XIRP2: variants seen among roughly 807,000 people sequenced by gnomAD.
XIRP2 encodes the protein xin actin binding repeat containing 2.
XIRP2 carries 236 observed loss-of-function variants against 277.0 expected under a neutral mutation model. The ratio of observed to expected loss-of-function variants is 0.85; its 90% CI spans 0.77 to 0.95. XIRP2 has a LOEUF of 0.95. XIRP2 is among the 40% of genes least tolerant of loss of function. The pLI, the probability that XIRP2 is intolerant of heterozygous loss-of-function variation, is 0.00. For synonymous variants in XIRP2, 1,490 were observed against 1,416.5 expected, an observed-to-expected ratio of 1.05 and a Z score of -1.17; for missense variants, 4,640 against 4,157.5, an observed-to-expected ratio of 1.12 and a Z score of -3.19.
chr2:166,931,485 C>T (rs1205166879), intron 2 of XIRP2, among the ~76,000 whole-genome samples: 3 of 152,126 alleles, frequency 2.0e-5, no homozygotes, highest in African/African-American at 7.2e-5. Context: ...ATTTCCAGCA[C>T]CACTTTTAAA....
At chr2:167,158,331 A>G (rs1692263122) in intron 3 of XIRP2, among the ~76,000 whole-genome samples, 1 of 152,244 alleles carries the variant, frequency 6.6e-6, no homozygotes, top group African/African-American at 2.4e-5. Context: ...TATTTTTACC[A>G]TATAATATTT....
chr2:167,242,441 A>C, intron 8 of XIRP2, 128 bp from the exon 9 acceptor site: 2 of 914,088 alleles, frequency 2.2e-6, no homozygotes, highest in Non-Finnish European at 3.3e-6. Flanking sequence ...TTAAATGAGT[A>C]TATCACATAT....
intron 2 of XIRP2, among the ~76,000 whole-genome samples, chr2:167,000,670 A>G (rs911468727): frequency 6.6e-6 from 1 of 152,068 alleles, no homozygotes; most frequent in Admixed American, 6.6e-5. Context: ...CTATTCCTGC[A>G]TCCACTCCTT....
chr2:167,127,877 G>A lies in XIRP2; in HGVS notation c.409-8032G>A, dbSNP rs73015952. On this transcript the variant is annotated intron_variant, in intron 2 of 10. Transcript: ENST00000409195. ...AATTAACATAGGGAGGTACAGAGAA[G>A]TATATGCTTGTTGGGGTCCCCCTGG... Among the ~76,000 whole-genome samples the A allele has an allele frequency of 4.7e-3, 711 of 152,326 alleles. 5 individuals carry two copies. The highest frequency in any genetic ancestry group is 0.017 in the African/African-American group (693 of 41,576).
Position 167,096,294 on chromosome 2 carries a change from G to T in XIRP2, c.409-39615G>T, listed in dbSNP as rs1399124327. ...AATCTTGGGAAGGTGTATGTGTCGAGGAATTTATCCATTTCTTCTAGATTT... is the reference window on the plus strand; with the variant it reads ...AATCTTGGGAAGGTGTATGTGTCGATGAATTTATCCATTTCTTCTAGATTT... On this transcript the variant is annotated intron_variant, in intron 2 of 10. Coordinates refer to ENST00000409195, the MANE Select transcript of XIRP2 (RefSeq NM_152381.6). Among the ~76,000 whole-genome samples, 3 of 151,680 alleles carry T rather than the reference G, an allele frequency of 2.0e-5. No homozygotes were observed. In the East Asian group the frequency reaches 5.8e-4, roughly 29 times the overall value.
chr2:167,025,914 A>T (rs1336894295), intron 2 of XIRP2, among the ~76,000 whole-genome samples: 5 of 152,040 alleles, frequency 3.3e-5, no homozygotes, highest in Non-Finnish European at 1.5e-5. Context: ...TGTGGTGCTG[A>T]AAAAAATGTA....
chr2:167,176,825 G>A (rs1044811614), intron 3 of XIRP2, among the ~76,000 whole-genome samples: 1 of 152,194 alleles, frequency 6.6e-6, no homozygotes, highest in Non-Finnish European at 1.5e-5. Flanking sequence ...TGGTAGTTGA[G>A]TTTCTGAATG....
chr2:167,085,636 G>T (rs1330530476), intron 2 of XIRP2, among the ~76,000 whole-genome samples: 2 of 152,056 alleles, frequency 1.3e-5, no homozygotes, highest in Non-Finnish European at 2.9e-5. Flanking sequence ...CCTGTATTGG[G>T]TGCATATATA....
intron 3 of XIRP2, among the ~76,000 whole-genome samples, chr2:167,180,185 A>T (rs1372667872): frequency 1.3e-5 from 2 of 152,196 alleles, no homozygotes; most frequent in Admixed American, 6.5e-5. Flanking sequence ...TCAAAAATTT[A>T]TAAGGGCATA....
intron 3 of XIRP2, among the ~76,000 whole-genome samples, chr2:167,136,518 T>C (rs1691557163): frequency 6.6e-6 from 1 of 152,164 alleles, no homozygotes; most frequent in African/African-American, 2.4e-5. Context: ...CATAATGAAT[T>C]TGGAATACAA....
intron 2 of XIRP2, among the ~76,000 whole-genome samples, chr2:167,033,562 A>G (rs1260220571): frequency 6.6e-6 from 1 of 152,190 alleles, no homozygotes; most frequent in Non-Finnish European, 1.5e-5. Context: ...AGCCTACTCC[A>G]TGGCATTTAA....
chr2:167,042,964 C>G (rs923449980), intron 2 of XIRP2, among the ~76,000 whole-genome samples: 28 of 152,050 alleles, frequency 1.8e-4, no homozygotes, highest in Admixed American at 5.9e-4. Context: ...TCAAAACAAC[C>G]AAAATCATAT....
At chr2:166,915,033 C>T (rs1412014914) in intron 2 of XIRP2, among the ~76,000 whole-genome samples, 3 of 151,810 alleles carry the variant, frequency 2.0e-5, no homozygotes, top group Non-Finnish European at 2.9e-5. Flanking sequence ...AGCGGTGGCT[C>T]ACACCTGTAA....
At chr2:167,150,270 G>A (rs1691978424) in intron 3 of XIRP2, among the ~76,000 whole-genome samples, 1 of 151,956 alleles carries the variant, frequency 6.6e-6, no homozygotes. Context: ...GTTGTGGAGT[G>A]TATAAAGAAA....
rs1573964413 is a variant in XIRP2, at chr2:167,214,290, A to C, written c.723+3395A>C. 1.4e-4 allele frequency among the ~76,000 whole-genome samples: 13 copies of C among 94,680 alleles called. 1 individual carries two copies. The South Asian group carries it at 2.2e-3, about 16-fold the overall frequency. The allele number at this position is 94,680 out of a possible 152,430, so 62.1% of individuals were successfully genotyped here. ...GAGAGAGAAAGAGAGGGAGGGAGGG[A>C]GGGAGGGAGGAAGGAAGGAAGGAAG... On this transcript the variant is annotated intron_variant, in intron 4 of 10. Transcript: ENST00000409195.
At chr2:167,009,702 T>A (rs1040508836) in intron 2 of XIRP2, among the ~76,000 whole-genome samples, 2 of 152,190 alleles carry the variant, frequency 1.3e-5, no homozygotes, top group Admixed American at 6.5e-5. Context: ...GTGTTCCTAT[T>A]TCTCCACATC....
rs750753001 is a variant in XIRP2, at chr2:166,934,195, CAAAAAAAAA to C, written c.408+30316_408+30324del. On this transcript the variant is annotated intron_variant, in intron 2 of 10. Coordinates refer to ENST00000409195, the MANE Select transcript of XIRP2 (RefSeq NM_152381.6). The stretch of plus-strand genomic sequence containing the variant: ...ATTTTGTTTAGGAAAAAATCAACAG[CAAAAAAAAA>C]AAAAAAAAAACAAAACTAGGGTCTC... Among the ~76,000 whole-genome samples, 2 of 71,584 alleles carry C rather than the reference CAAAAAAAAA, an allele frequency of 2.8e-5. 1 individual carries two copies. The highest frequency in any genetic ancestry group is 9.1e-4 in the East Asian group (2 of 2,188). 47.0% of individuals were successfully genotyped at this position (71,584 alleles called of 152,430 possible).
chr2:167,160,692 A>C (rs1423504700), intron 3 of XIRP2, among the ~76,000 whole-genome samples: 2 of 152,194 alleles, frequency 1.3e-5, no homozygotes, highest in African/African-American at 4.8e-5. Context: ...ACAACACATG[A>C]GAATTCGAGT....
Position 167,257,946 on chromosome 2 carries a change from G to A in XIRP2, c.*129G>A, listed in dbSNP as rs567209151. ...AAATCCAAAGGAAATTATGATGAAG[G>A]TTTTGGACATAAGCAGCATAAAGAT... is the stretch of plus-strand genomic sequence containing the variant. On this transcript the variant is annotated 3_prime_UTR_variant, in exon 11 of 11. Coordinates refer to ENST00000409195, the MANE Select transcript of XIRP2 (RefSeq NM_152381.6). 1.0e-4 allele frequency: 165 copies of A among 1,612,802 alleles called. 1 individual carries two copies. Among genetic ancestry groups the A allele is most frequent in the Non-Finnish European group, 1.2e-4 (143 of 1,179,382 alleles).
Sources: allele counts gnomAD v4.1 joint callset (sites outside exome capture counted in the v4.1 genomes callset), GRCh38; gene constraint gnomAD v4.1.1; transcripts MANE v1.5; gene names NCBI Gene and HGNC (gene_info 2026-07-23, HGNC 2026-07-21).